ESRRG: variants seen among roughly 807,000 people sequenced by gnomAD.
The protein encoded by ESRRG is estrogen related receptor gamma.
Under a neutral mutation model 44.0 loss-of-function variants are expected in ESRRG, and 13 were observed. The observed-to-expected ratio is 0.30, with a 90% CI of 0.19 to 0.47. The LOEUF is 0.47. ESRRG is among the 20% of genes least tolerant of loss of function. The pLI is 1.00. For missense variants in ESRRG, 395 were observed against 580.6 expected (o/e 0.68, Z 3.29); for synonymous variants, 215 against 214.6 (o/e 1.00, Z -0.02).
intron 1 of ESRRG, among the ~76,000 whole-genome samples, chr1:217,122,664 C>CTTTT (rs10716545): frequency 5.7e-5 from 5 of 87,334 alleles, no homozygotes; most frequent in African/African-American, 1.4e-4. Context: ...GACACACACA[C>CTTTT]TTTTTTTTTT....
At chr1:216,588,700 A>C (rs1231080004) in intron 3 of ESRRG, among the ~76,000 whole-genome samples, 1 of 152,174 alleles carries the variant, frequency 6.6e-6, no homozygotes, top group African/African-American at 2.4e-5. Context: ...TTCTAATTCC[A>C]AGTCCTCTTT....
At chr1:216,725,002 C>T (rs2087195637), upstream of ESRRG, among the ~76,000 whole-genome samples, 1 of 152,046 alleles carries the variant, frequency 6.6e-6, no homozygotes, top group African/African-American at 2.4e-5. Context: ...AGATATTCAT[C>T]GTATGTTAAA....
At chr1:217,099,914 C>G (rs1350119618) in intron 1 of ESRRG, among the ~76,000 whole-genome samples, 2 of 150,480 alleles carry the variant, frequency 1.3e-5, no homozygotes, top group Non-Finnish European at 2.9e-5. Context: ...CGGAGAATAA[C>G]AATGAAGTGG....
chr1:216,992,452 CT>C (rs1425649801), intron 1 of ESRRG, among the ~76,000 whole-genome samples: 1 of 152,106 alleles, frequency 6.6e-6, no homozygotes, highest in Non-Finnish European at 1.5e-5. Context: ...TATAAGCTTC[CT>C]GAGGGCAAAG....
At chr1:217,006,269 A>T (rs1017487421) in intron 1 of ESRRG, among the ~76,000 whole-genome samples, 6 of 152,164 alleles carry the variant, frequency 3.9e-5, no homozygotes, top group Non-Finnish European at 1.5e-5. Context: ...ATGATTAGGT[A>T]ATATAAAGAC....
chr1:216,756,325 T>A (rs1004261842), intron 2 of ESRRG, among the ~76,000 whole-genome samples: 3 of 151,974 alleles, frequency 2.0e-5, no homozygotes, highest in African/African-American at 7.2e-5. Flanking sequence ...GGTGGACAAG[T>A]TCAAAGAGTT....
chr1:217,089,712 CCCCCCGCTCTG>C, upstream of ESRRG: 1 of 152,174 alleles, frequency 6.6e-6, no homozygotes, highest in East Asian at 1.9e-4. Context: ...AAGGGCACGG[CCCCCCGCTCTG>C]CCCCCGCGGG....
intron 3 of ESRRG, among the ~76,000 whole-genome samples, chr1:216,627,879 A>G (rs2063456528): frequency 6.6e-6 from 1 of 152,162 alleles, no homozygotes; most frequent in Non-Finnish European, 1.5e-5. Flanking sequence ...AAGTATTCCT[A>G]TGCTTGTTTT....
chr1:216,886,647 T>C (rs369226804), intron 2 of ESRRG, among the ~76,000 whole-genome samples: 3 of 152,200 alleles, frequency 2.0e-5, no homozygotes, highest in African/African-American at 7.2e-5. Context: ...ACTTAAAAAT[T>C]GCATTTTGTT....
intron 1 of ESRRG, among the ~76,000 whole-genome samples, chr1:217,023,007 A>G (rs1364889707): frequency 6.6e-6 from 1 of 152,156 alleles, no homozygotes; most frequent in African/African-American, 2.4e-5. Flanking sequence ...CTGAAAACTA[A>G]TCTAGTGTAG....
intron 2 of ESRRG, among the ~76,000 whole-genome samples, chr1:216,652,095 G>A (rs1183705481): frequency 6.6e-6 from 1 of 152,062 alleles, no homozygotes; most frequent in Non-Finnish European, 1.5e-5. Context: ...TAATGAAAAT[G>A]CATTCTGTTT....
At chr1:216,849,668 G>A (rs561790235) in intron 2 of ESRRG, among the ~76,000 whole-genome samples, 1 of 152,124 alleles carries the variant, frequency 6.6e-6, no homozygotes, top group South Asian at 2.1e-4. Flanking sequence ...CCTTGATACA[G>A]ATTATATAGG....
intron 1 of ESRRG, among the ~76,000 whole-genome samples, chr1:217,112,663 G>A (rs1338157412): frequency 1.3e-5 from 2 of 152,194 alleles, no homozygotes; most frequent in Admixed American, 6.5e-5. Flanking sequence ...AATTACAAAG[G>A]ATCTAGGATT....
At position 216,758,898 on chromosome 1, in the gene ESRRG, A is replaced by AT. The variant is rs199503862; in HGVS notation, c.-13-81408dup. 3.2e-3 allele frequency among the ~76,000 whole-genome samples: 490 copies of AT among 151,694 alleles called. 1 individual carries two copies. Among genetic ancestry groups the AT allele is most frequent in the African/African-American group, 0.01 (431 of 41,386 alleles). ...ACATGGTCTTGAGTACTTACTATAT[A>AT]TTTTTTTTCATGGAAACAGCCAAAT... On this transcript the variant is annotated intron_variant, in intron 2 of 7. Coordinates refer to the ESRRG transcript ENST00000359162.
chr1:216,758,898 A>T (rs17681297), intron 2 of ESRRG, among the ~76,000 whole-genome samples: 4,517 of 151,666 alleles, frequency 0.03, 68 homozygotes, highest in South Asian at 0.045. Context: ...CTTACTATAT[A>T]TTTTTTTTCA....
At chr1:217,112,303 A>G (rs531434096) in intron 1 of ESRRG, among the ~76,000 whole-genome samples, 9 of 152,328 alleles carry the variant, frequency 5.9e-5, no homozygotes, top group African/African-American at 1.7e-4. Flanking sequence ...ATAAAAATCT[A>G]CAACAATGGC....
At chr1:217,110,657 C>T (rs976272380) in intron 1 of ESRRG, among the ~76,000 whole-genome samples, 4 of 152,042 alleles carry the variant, frequency 2.6e-5, no homozygotes, top group South Asian at 2.1e-4. Context: ...GGATGAGGTG[C>T]CACACACTTG....
chr1:216,732,430 G>A (rs2089012353), intron 2 of ESRRG, among the ~76,000 whole-genome samples: 1 of 149,784 alleles, frequency 6.7e-6, no homozygotes, highest in Admixed American at 6.7e-5. Flanking sequence ...AGGCTGGTGT[G>A]CAGTGGCACA....
At chr1:216,980,750 A>AATG (rs2073822913) in intron 1 of ESRRG, among the ~76,000 whole-genome samples, 1 of 152,140 alleles carries the variant, frequency 6.6e-6, no homozygotes, top group Non-Finnish European at 1.5e-5. Context: ...TGCATATCCC[A>AATG]CTGCATGGCA....
Sources: allele counts gnomAD v4.1 joint callset (sites outside exome capture counted in the v4.1 genomes callset), GRCh38; gene constraint gnomAD v4.1.1; transcripts MANE v1.5; gene names NCBI Gene and HGNC (gene_info 2026-07-23, HGNC 2026-07-21).